SASH1: variants seen among roughly 807,000 people sequenced by gnomAD.
SASH1 encodes the protein SAM and SH3 domain containing 1.
In SASH1, 44 loss-of-function variants were observed where a neutral mutation model predicts 125.2. That is an observed-to-expected ratio of 0.35 (90% CI 0.28 to 0.45). The LOEUF is 0.45. Ranked by LOEUF, SASH1 falls within the 20% of genes least tolerant of loss-of-function variation. The probability of loss-of-function intolerance (pLI) is 1.00; values close to 1 mark genes in which losing one functional copy is unlikely to be tolerated. For synonymous variants in SASH1, 639 were observed against 649.1 expected, an observed-to-expected ratio of 0.98 and a Z score of 0.24; for missense variants, 1,426 against 1,614.5, an observed-to-expected ratio of 0.88 and a Z score of 2.00.
intron 2 of SASH1, among the ~76,000 whole-genome samples, chr6:148,391,948 G>GTTTCCAACCTTACACTTAGGCACTA (rs1783744491): frequency 6.6e-6 from 1 of 152,114 alleles, no homozygotes; most frequent in Non-Finnish European, 1.5e-5. Context: ...GGGGCTGCAT[G>GTTTCCAACCTTACACTTAGGCACTA]GATATGTTTT....
At chr6:148,399,480 C>A in intron 2 of SASH1, among the ~76,000 whole-genome samples, 1 of 151,988 alleles carries the variant, frequency 6.6e-6, no homozygotes, top group East Asian at 1.9e-4. Context: ...CCCGCGTCAG[C>A]CCCCCAAAAT....
the SASH1 span, among the ~76,000 whole-genome samples, chr6:148,200,845 T>A: frequency 3.9e-5 from 6 of 152,222 alleles, no homozygotes; most frequent in Non-Finnish European, 8.8e-5. Flanking sequence ...TAATTTTTGA[T>A]CTTTCCTTTC....
chr6:148,414,200 A>G (rs1269269432), intron 2 of SASH1, among the ~76,000 whole-genome samples: 1 of 152,192 alleles, frequency 6.6e-6, no homozygotes, highest in African/African-American at 2.4e-5. Flanking sequence ...CATGCTGAGT[A>G]TTAGGTCTTA....
At chr6:148,293,440 A>ATCTTCCCTT (rs1443992989) in intron 1 of SASH1, among the ~76,000 whole-genome samples, 1 of 152,154 alleles carries the variant, frequency 6.6e-6, no homozygotes, top group Non-Finnish European at 1.5e-5. Flanking sequence ...ATGGAAGTGG[A>ATCTTCCCTT]GTGATTGCAT....
chr6:148,297,007 C>T (rs1779782824), intron 1 of SASH1, among the ~76,000 whole-genome samples: 1 of 152,190 alleles, frequency 6.6e-6, no homozygotes, highest in South Asian at 2.1e-4. Context: ...AAAGAAAGGC[C>T]TTCAGGGAAG....
upstream of SASH1, among the ~76,000 whole-genome samples, chr6:148,340,190 TA>T (rs1322738315): frequency 6.6e-6 from 1 of 151,988 alleles, no homozygotes; most frequent in Non-Finnish European, 1.5e-5. Flanking sequence ...TTCTTAAATT[TA>T]AGAAAGTACC....
At chr6:148,503,320 A>T (rs931088327) in intron 8 of SASH1, among the ~76,000 whole-genome samples, 2 of 152,218 alleles carry the variant, frequency 1.3e-5, no homozygotes, top group Non-Finnish European at 2.9e-5. Context: ...TTCTAAAAAA[A>T]AAAAGAATGT....
At chr6:148,294,525 T>C (rs979299116) in intron 1 of SASH1, among the ~76,000 whole-genome samples, 3 of 152,182 alleles carry the variant, frequency 2.0e-5, no homozygotes, top group Admixed American at 2.0e-4. Flanking sequence ...CAGCAACTGG[T>C]GAAACACTTG....
chr6:148,539,991 A>G lies in SASH1; in HGVS notation c.2096-452A>G, dbSNP rs1036404366. Reference sequence around the variant, plus strand: ...CTCCCAAATTTGGAAAGTTGGCAACATAACTGTCTTCAAGCACAAGTCTTA... The same window carrying G: ...CTCCCAAATTTGGAAAGTTGGCAACGTAACTGTCTTCAAGCACAAGTCTTA... On this transcript the variant is annotated intron_variant, in intron 16 of 19. Transcript: ENST00000367467. 7.9e-5 allele frequency among the ~76,000 whole-genome samples: 12 copies of G among 152,170 alleles called. No individual in the cohort carries two copies. In the South Asian group the frequency reaches 1.5e-3, roughly 18 times the overall value.
intron 8 of SASH1, among the ~76,000 whole-genome samples, chr6:148,489,490 T>C (rs1470338541): frequency 6.6e-6 from 1 of 152,216 alleles, no homozygotes; most frequent in Non-Finnish European, 1.5e-5. Flanking sequence ...TTTGAGTTTT[T>C]CTATTTTTGA....
At chr6:148,468,711 A>G in intron 5 of SASH1, 126 bp downstream of exon 5, 1 of 622,504 alleles carries the variant, frequency 1.6e-6, no homozygotes, top group Middle Eastern at 3.0e-4. Context: ...TAAGATTTTG[A>G]TGTACATCCT....
intron 1 of SASH1, among the ~76,000 whole-genome samples, chr6:148,333,847 C>G (rs1187738378): frequency 6.8e-6 from 1 of 147,756 alleles, no homozygotes; most frequent in African/African-American, 2.5e-5. Context: ...TTTTTAGACA[C>G]AGTCACGCTG....
chr6:148,231,363 G>A, the SASH1 span, among the ~76,000 whole-genome samples: 1 of 152,254 alleles, frequency 6.6e-6, no homozygotes, highest in Non-Finnish European at 1.5e-5. Flanking sequence ...GTTCCATGCT[G>A]TCTTGATTAT....
chr6:148,376,447 GAAAC>G (rs1253808067), intron 1 of SASH1, among the ~76,000 whole-genome samples: 1 of 152,126 alleles, frequency 6.6e-6, no homozygotes, highest in Non-Finnish European at 1.5e-5. Flanking sequence ...CTAGTAAATA[GAAAC>G]AAACAGGTTT....
intron 10 of SASH1, chr6:148,520,355 G>C (rs1257053454): frequency 1.8e-5 from 3 of 169,038 alleles, no homozygotes; most frequent in Non-Finnish European, 3.9e-5. Flanking sequence ...GTACTAAAAG[G>C]GTTCTCTTGA....
chr6:148,409,741 C>G (rs1784540383), intron 2 of SASH1, among the ~76,000 whole-genome samples: 1 of 152,092 alleles, frequency 6.6e-6, no homozygotes, highest in Non-Finnish European at 1.5e-5. Context: ...CGAGACCAGT[C>G]TGGCCAACAT....
chr6:148,499,192 T>A (rs758618199), intron 8 of SASH1, among the ~76,000 whole-genome samples: 4 of 151,870 alleles, frequency 2.6e-5, no homozygotes, highest in Admixed American at 6.6e-5. Context: ...GAAAGCAATA[T>A]TTTAACACAA....
chr6:148,529,718 A>ATAAGT lies in SASH1; in HGVS notation c.1429-1803_1429-1799dup, dbSNP rs1781395995. Among the ~76,000 whole-genome samples, 1 of 152,194 alleles carries ATAAGT rather than the reference A, an allele frequency of 6.6e-6. No individual in the cohort carries two copies. Among genetic ancestry groups the ATAAGT allele is most frequent in the South Asian group, 2.1e-4 (1 of 4,832 alleles). Reference sequence around the variant, plus strand: ...TGTTTTTTTAAAGCAGCCATTTCACATAAGTTAAGGAATAAAAGAAACAAC... The same window carrying ATAAGT: ...TGTTTTTTTAAAGCAGCCATTTCACATAAGTTAAGTTAAGGAATAAAAGAAACAAC... On this transcript the variant is annotated intron_variant, in intron 12 of 19. Coordinates refer to ENST00000367467, the MANE Select transcript of SASH1 (RefSeq NM_015278.5). This position sits in a 1 kb window ranked among gnomAD's most constrained non-coding sequence, Gnocchi z 4.2.
At chr6:148,405,928 A>T (rs1784353119) in intron 2 of SASH1, among the ~76,000 whole-genome samples, 1 of 152,210 alleles carries the variant, frequency 6.6e-6, no homozygotes, top group African/African-American at 2.4e-5. Flanking sequence ...TAGGAAAAAA[A>T]ATCAGAAATC....
Sources: allele counts gnomAD v4.1 joint callset (sites outside exome capture counted in the v4.1 genomes callset), GRCh38; gene constraint gnomAD v4.1.1; non-coding constraint Gnocchi (gnomAD v3.1); transcripts MANE v1.5; gene names NCBI Gene and HGNC (gene_info 2026-07-23, HGNC 2026-07-21).